Variants in STXBP4 observed in about 807,000 individuals in gnomAD.
STXBP4 encodes the protein syntaxin binding protein 4.
A neutral mutation model predicts 76.1 loss-of-function variants in STXBP4; 55 were observed. The observed-to-expected ratio is 0.72, with a 90% CI of 0.58 to 0.91. The LOEUF is 0.91. Ranked by LOEUF, STXBP4 falls within the 40% of genes least tolerant of loss-of-function variation. STXBP4 has a pLI of 0.00. For missense variants in STXBP4, 618 were observed against 636.9 expected (o/e 0.97, Z 0.32); for synonymous variants, 201 against 220.2 (o/e 0.91, Z 0.77).
rs928970980 is a variant in STXBP4 at position 54,968,765 on chromosome 17, A to T, written c.-207A>T. 3 of 1,234,812 alleles carry T rather than the reference A, an allele frequency of 2.4e-6. No individual in the cohort carries two copies. The highest frequency in any genetic ancestry group is 3.9e-4 in the Middle Eastern group (2 of 5,072). The allele number at this position is 1,234,812 out of a possible 1,614,324, so 76.5% of individuals were successfully genotyped here. ...CGCTGCCTTGGCTACCAGGCTCCTC[A>T]GGTGGCAGCGCTTGCAGTCGGGCTA... On this transcript the variant is annotated 5_prime_UTR_variant, in exon 1 of 18. Transcript: ENST00000376352.
chr17:55,192,824 C>T, the STXBP4 span, among the ~76,000 whole-genome samples: 9 of 152,152 alleles, frequency 5.9e-5, no homozygotes, highest in Admixed American at 5.9e-4. Context: ...TGGATTCAAA[C>T]CTGAACAGAC....
chr17:55,033,924 A>G (rs1247094903), intron 9 of STXBP4, among the ~76,000 whole-genome samples: 3 of 152,244 alleles, frequency 2.0e-5, no homozygotes, highest in Non-Finnish European at 1.5e-5. Context: ...CTATAGGTCC[A>G]TGATATATAT....
intron 16 of STXBP4, among the ~76,000 whole-genome samples, chr17:55,112,829 G>A (rs567559575): frequency 2.0e-5 from 3 of 152,228 alleles, no homozygotes; most frequent in East Asian, 1.9e-4. Flanking sequence ...CAGTCAGGAC[G>A]ATGGGAGCAA....
chr17:55,126,186 C>T (rs1485767841), intron 16 of STXBP4, among the ~76,000 whole-genome samples: 1 of 152,112 alleles, frequency 6.6e-6, no homozygotes, highest in Non-Finnish European at 1.5e-5. Flanking sequence ...AGAAAACAAT[C>T]CCAAATTACT....
At chr17:55,099,875 G>A (rs1041518476) in intron 16 of STXBP4, among the ~76,000 whole-genome samples, 1 of 152,090 alleles carries the variant, frequency 6.6e-6, no homozygotes, top group Non-Finnish European at 1.5e-5. Context: ...GAGACTTTCT[G>A]ATTAAAATAT....
chr17:55,036,578 G>A (rs2078607239), intron 10 of STXBP4, among the ~76,000 whole-genome samples: 1 of 151,386 alleles, frequency 6.6e-6, no homozygotes, highest in Non-Finnish European at 1.5e-5. Flanking sequence ...TTGTTCTAAT[G>A]ACACCCTTTC....
chr17:55,120,583 C>T (rs1324248447), intron 16 of STXBP4, among the ~76,000 whole-genome samples: 1 of 152,144 alleles, frequency 6.6e-6, no homozygotes, highest in Admixed American at 6.6e-5. Flanking sequence ...ATATGAAGCT[C>T]CAAGTTTACC....
chr17:55,097,445 C>T (rs955369291), intron 16 of STXBP4, among the ~76,000 whole-genome samples: 10 of 152,046 alleles, frequency 6.6e-5, no homozygotes, highest in South Asian at 4.1e-4. Context: ...GGGCGGATCA[C>T]GAGGTCAGGA....
intron 12 of STXBP4, among the ~76,000 whole-genome samples, chr17:55,057,448 A>T (rs1030173295): frequency 2.0e-5 from 3 of 152,226 alleles, no homozygotes; most frequent in Admixed American, 2.0e-4. Flanking sequence ...ACTAAGCACA[A>T]ATATTTTCAA....
chr17:55,153,003 G>A (rs185152761), intron 17 of STXBP4, among the ~76,000 whole-genome samples: 29 of 152,210 alleles, frequency 1.9e-4, no homozygotes, highest in Non-Finnish European at 3.2e-4. Flanking sequence ...CAGAGCCTCA[G>A]CGAGGAGTTT....
At chr17:54,990,988 A>C in intron 4 of STXBP4, 31 bp downstream of exon 4, 1 of 1,491,130 alleles carries the variant, frequency 6.7e-7, no homozygotes, top group Admixed American at 2.5e-5. Context: ...CACCAAAAAT[A>C]CAAACAAAAA....
intron 17 of STXBP4, among the ~76,000 whole-genome samples, chr17:55,143,742 T>C (rs1211736657): frequency 1.3e-5 from 2 of 152,176 alleles, no homozygotes; most frequent in Non-Finnish European, 2.9e-5. Flanking sequence ...CCCCATTGCT[T>C]TGCTCGGAAA....
In STXBP4 at chr17:54,968,813, C is replaced by G. The variant is rs1378708709; in HGVS notation, c.-159C>G. ...CTACGGAGGCCGGGTTGCCAGATTA[C>G]GGGTAAGTTTGCGTTTTGCTTTGTG... On this transcript the variant is annotated splice_region_variant and 5_prime_UTR_variant, in exon 1 of 18. Coordinates refer to ENST00000376352, the MANE Select transcript of STXBP4 (RefSeq NM_178509.6). 2 of 698,106 alleles carry G rather than the reference C, an allele frequency of 2.9e-6. No individual in the cohort carries two copies. The highest frequency in any genetic ancestry group is 2.7e-5 in the East Asian group (1 of 37,720). The allele number at this position is 698,106 out of a possible 1,614,324, so 43.2% of individuals were successfully genotyped here. A position where few individuals can be genotyped will look rare whatever the true frequency, so the allele number is the denominator to read the frequency against.
chr17:54,982,845 C>T (rs1256829995), intron 1 of STXBP4, among the ~76,000 whole-genome samples: 2 of 152,100 alleles, frequency 1.3e-5, no homozygotes, highest in Non-Finnish European at 2.9e-5. Flanking sequence ...AAAGAGATAA[C>T]ACATTACCAC....
chr17:55,132,181 C>A (rs545602739), intron 16 of STXBP4, among the ~76,000 whole-genome samples: 2 of 152,264 alleles, frequency 1.3e-5, no homozygotes, highest in Non-Finnish European at 2.9e-5. Flanking sequence ...GCCTCACTTT[C>A]AATTATCTTA....
Position 55,078,718 on chromosome 17 carries a change from TC to T in STXBP4, c.1340del (p.Pro447LeufsTer5). 1 of 1,561,994 alleles carries T rather than the reference TC, an allele frequency of 6.4e-7. No individual in the cohort carries two copies. Among genetic ancestry groups the T allele is most frequent in the Non-Finnish European group, 8.8e-7 (1 of 1,134,406 alleles). ...IQEVFSDNSTPLSNLSERRAV... is the reference protein window; with the variant it reads ...IQEVFSDNSTXLSNLSERRAV... ...AAGAAGTATTTTCTGATAATTCTAC[TC>T]CTTTATCAAATTTAAGGTAAGAAAA... On this transcript the variant is annotated frameshift_variant, in exon 15 of 18. Coordinates refer to ENST00000376352, the MANE Select transcript of STXBP4 (RefSeq NM_178509.6). LOFTEE classifies it high-confidence loss of function.
chr17:55,183,414 A>G, the STXBP4 span, among the ~76,000 whole-genome samples: 1 of 152,178 alleles, frequency 6.6e-6, no homozygotes, highest in African/African-American at 2.4e-5. Flanking sequence ...AGCAAGACCC[A>G]GTCTCTATAA....
chr17:55,206,857 GAA>G, the STXBP4 span, among the ~76,000 whole-genome samples: 62,219 of 102,620 alleles, frequency 0.61, 16,568 homozygotes, highest in Middle Eastern at 0.67. Flanking sequence ...CTCCGTCTCA[GAA>G]AAAAAAAAAA....
chr17:55,049,962 G>T (rs965984445), intron 12 of STXBP4, among the ~76,000 whole-genome samples: 3 of 151,900 alleles, frequency 2.0e-5, no homozygotes, highest in Admixed American at 2.0e-4. Flanking sequence ...TTGTTTCAGG[G>T]TATAAAAAAT....
Sources: allele counts gnomAD v4.1 joint callset (sites outside exome capture counted in the v4.1 genomes callset), GRCh38; gene constraint gnomAD v4.1.1; transcripts MANE v1.5; gene names NCBI Gene and HGNC (gene_info 2026-07-23, HGNC 2026-07-21).